SGSM2: variants seen among roughly 807,000 people sequenced by gnomAD.
SGSM2 encodes the protein RUN and TBC1 domain containing 1.
SGSM2 carries 89 observed loss-of-function variants against 126.6 expected under a neutral mutation model. The ratio of observed to expected loss-of-function variants is 0.70; its 90% CI spans 0.59 to 0.84. SGSM2 has a LOEUF of 0.84. Among genes scored for constraint, SGSM2 ranks in the 40% least tolerant of loss-of-function variants. SGSM2 has a pLI of 0.00. For missense variants in SGSM2, 1,404 were observed against 1,416.6 expected, an observed-to-expected ratio of 0.99 and a Z score of 0.14; for synonymous variants, 614 against 574.3, an observed-to-expected ratio of 1.07 and a Z score of -0.99.
In SGSM2 at chr17:2,380,431, C is replaced by G; in HGVS notation, c.*911C>G. 1.1e-6 allele frequency: 1 copy of G among 872,270 alleles called. No individual in the cohort carries two copies. Among genetic ancestry groups the G allele is most frequent in the East Asian group, 2.6e-5 (1 of 37,886 alleles). 54.0% of individuals were successfully genotyped at this position (872,270 alleles called of 1,614,324 possible). A position where few individuals can be genotyped will look rare whatever the true frequency, so the allele number is the denominator to read the frequency against. ...CCTCAGTTCGAGGGCAGCCCATTAT[C>G]TGTCGCAGACATCTGCCATGTCCCT... On this transcript the variant is annotated 3_prime_UTR_variant, in exon 24 of 24. Coordinates refer to ENST00000268989, the MANE Select transcript of SGSM2 (RefSeq NM_014853.3).
chr17:2,343,469 C>T (rs773447293), intron 1 of SGSM2, 76 bp from the exon 2 acceptor site: 28 of 1,472,632 alleles, frequency 1.9e-5, no homozygotes, highest in Non-Finnish European at 2.6e-5. Flanking sequence ...AAGGGCGGAA[C>T]CAAACTATTT....
At chr17:2,340,871 A>G (rs1466404052) in intron 1 of SGSM2, among the ~76,000 whole-genome samples, 3 of 152,220 alleles carry the variant, frequency 2.0e-5, no homozygotes, top group Non-Finnish European at 4.4e-5. Context: ...GTCGTGAGCC[A>G]CCACGCCTGG....
At position 2,367,923 on chromosome 17, in the gene SGSM2, A is replaced by G. The variant is rs1032606177; in HGVS notation, c.1423+518A>G. On this transcript the variant is annotated intron_variant, in intron 12 of 23. Coordinates refer to ENST00000268989, the MANE Select transcript of SGSM2 (RefSeq NM_014853.3). This position sits in a 1 kb window ranked among gnomAD's most constrained non-coding sequence, Gnocchi z 4.0. The stretch of plus-strand genomic sequence containing the variant: ...AAGGGCCCCAGGGCTCAGTCTTCCC[A>G]GGAGGCCTGAGGGCCCCAGCCGGCA... Among the ~76,000 whole-genome samples, 1 of 152,166 alleles carries G rather than the reference A, an allele frequency of 6.6e-6. No homozygotes were observed. The highest frequency in any genetic ancestry group is 2.4e-5 in the African/African-American group (1 of 41,450).
At position 2,372,148 on chromosome 17, in the gene SGSM2, G is replaced by A. The variant is rs1461668616; in HGVS notation, c.1578-42G>A. ...CCCTTCTCTCTCTCCTCCCACCAGAGGGGCCGCAGCCCCTCCCTGCTGAGC... is the reference window on the plus strand; with the variant it reads ...CCCTTCTCTCTCTCCTCCCACCAGAAGGGCCGCAGCCCCTCCCTGCTGAGC... On this transcript the variant is annotated intron_variant, in intron 13 of 23. Transcript: ENST00000268989. This position sits in a 1 kb window ranked among gnomAD's most constrained non-coding sequence, Gnocchi z 6.0. 6.2e-7 allele frequency: 1 copy of A among 1,610,478 alleles called. No homozygotes were observed. Among genetic ancestry groups the A allele is most frequent in the Non-Finnish European group, 8.5e-7 (1 of 1,177,930 alleles).
rs8073644 is a variant in SGSM2, at chr17:2,362,761, T to C, written c.459-77T>C. 0.094 allele frequency: 132,055 copies of C among 1,406,880 alleles called. 9,853 individuals carry two copies. The highest frequency in any genetic ancestry group is 0.32 in the African/African-American group (23,026 of 70,962). 87.1% of individuals were successfully genotyped at this position (1,406,880 alleles called of 1,614,324 possible). On this transcript the variant is annotated intron_variant, in intron 4 of 23. Transcript: ENST00000268989. This position sits in a 1 kb window ranked among gnomAD's most constrained non-coding sequence, Gnocchi z 4.9. ...GATCTGAATCTGGTCTTTGTGGGGATGTCCCTACCTGGTGAGCTTGACTGC... is the reference window on the plus strand; with the variant it reads ...GATCTGAATCTGGTCTTTGTGGGGACGTCCCTACCTGGTGAGCTTGACTGC...
chr17:2,376,005 T>C, intron 18 of SGSM2, 130 bp downstream of exon 18: 8 of 1,518,690 alleles, frequency 5.3e-6, no homozygotes, highest in Non-Finnish European at 6.2e-6. Context: ...CTGAGCCCAT[T>C]TCTCAGCATC....
intron 13 of SGSM2, chr17:2,371,970 A>G: frequency 1.8e-6 from 1 of 567,530 alleles, no homozygotes; most frequent in East Asian, 3.0e-5. Context: ...GTTGACCAAG[A>G]TCCCTGGGTG....
Position 2,375,714 on chromosome 17 carries a change from G to C in SGSM2, c.2323G>C (p.Gly775Arg), listed in dbSNP as rs1282939605. The C allele has an allele frequency of 6.2e-7, 1 of 1,611,382 alleles. No individual in the cohort carries two copies. The highest frequency in any genetic ancestry group is 1.7e-5 in the Admixed American group (1 of 59,944). Residue 775 changes from glycine (G) to arginine (R), a missense_variant, in exon 18 of 24, where the codon GGC becomes CGC. By Grantham distance (125) the Gly-to-Arg change is moderately radical. Coordinates refer to ENST00000268989, the MANE Select transcript of SGSM2 (RefSeq NM_014853.3). Reference sequence around the variant, plus strand: ...AAGCCTAGATGAGGGGCAGAGCGTGGGCTTCGAAGAGGAGGACGGCGGTGG... The same window carrying C: ...AAGCCTAGATGAGGGGCAGAGCGTGCGCTTCGAAGAGGAGGACGGCGGTGG... ...QSSLDEGQSV[G>R]FEEEDGGGEE...
Position 2,379,849 on chromosome 17 carries a change from A to G in SGSM2, c.*329A>G, listed in dbSNP as rs2066339714. 3.1e-6 allele frequency: 4 copies of G among 1,306,506 alleles called. No individual in the cohort carries two copies. In the East Asian group the frequency reaches 1.2e-4, roughly 39 times the overall value. 80.9% of individuals were successfully genotyped at this position (1,306,506 alleles called of 1,614,324 possible). On this transcript the variant is annotated 3_prime_UTR_variant, in exon 24 of 24. Coordinates refer to ENST00000268989, the MANE Select transcript of SGSM2 (RefSeq NM_014853.3). The stretch of plus-strand genomic sequence containing the variant: ...CAGCCTGGACTGCTGCCCACGAGTG[A>G]ACCTGGGGCCCCACAGGATTAACAG...
At chr17:2,370,424 A>G (rs1481610007) in intron 12 of SGSM2, among the ~76,000 whole-genome samples, 1 of 151,468 alleles carries the variant, frequency 6.6e-6, no homozygotes, top group Non-Finnish European at 1.5e-5. Context: ...CTGGCAGCGT[A>G]GCTGTGTCTA....
At chr17:2,375,403 G>C in intron 17 of SGSM2, 89 bp from the exon 18 acceptor site, 1 of 1,483,790 alleles carries the variant, frequency 6.7e-7, no homozygotes, top group East Asian at 2.3e-5. Flanking sequence ...GAAGAGTTTT[G>C]CATTCCAGCT....
chr17:2,372,525 G>C lies in SGSM2; in HGVS notation c.1788+37G>C, dbSNP rs1018999697. ...GGGGTTCCAGGGCCACAGGTCGAGGGGCTGGGGCGGGCAGGAGTGAGGGCT... is the reference window on the plus strand; with the variant it reads ...GGGGTTCCAGGGCCACAGGTCGAGGCGCTGGGGCGGGCAGGAGTGAGGGCT... On this transcript the variant is annotated intron_variant, in intron 15 of 23. Transcript: ENST00000268989. The surrounding 1 kb of genome is among the most constrained non-coding windows in gnomAD (Gnocchi z 6.0). 4 of 1,587,560 alleles carry C rather than the reference G, an allele frequency of 2.5e-6. No homozygotes were observed. Among genetic ancestry groups the C allele is most frequent in the Non-Finnish European group, 3.4e-6 (4 of 1,171,790 alleles).
intron 7 of SGSM2, 29 bp from the exon 8 acceptor site, chr17:2,364,030 C>T (rs1597359711): frequency 1.1e-5 from 17 of 1,613,838 alleles, no homozygotes; most frequent in Non-Finnish European, 1.4e-5. Context: ...AGCCCTTCAT[C>T]GTCGGTCTTC....
chr17:2,372,637 C>A lies in SGSM2; in HGVS notation c.1788+149C>A. On this transcript the variant is annotated intron_variant, in intron 15 of 23. Coordinates refer to ENST00000268989, the MANE Select transcript of SGSM2 (RefSeq NM_014853.3). The surrounding 1 kb of genome is among the most constrained non-coding windows in gnomAD (Gnocchi z 6.0). ...AGGGTCCCGGCAGAATCTCTTGCAGCTGGGCCTGGGGCTGACACGGGAAGG... is the reference window on the plus strand; with the variant it reads ...AGGGTCCCGGCAGAATCTCTTGCAGATGGGCCTGGGGCTGACACGGGAAGG... The A allele has an allele frequency of 8.6e-7, 1 of 1,167,668 alleles. No homozygotes were observed. Among genetic ancestry groups the A allele is most frequent in the Non-Finnish European group, 1.2e-6 (1 of 823,374 alleles). The allele number at this position is 1,167,668 out of a possible 1,614,324, so 72.3% of individuals were successfully genotyped here.
In SGSM2 at chr17:2,373,463, G is replaced by C. The variant is rs377210088; in HGVS notation, c.2050G>C (p.Asp684His). ...RTKFSSGSSI[D>H]SHVQRLIHRD... ...CAAGTTCTCCTCAGGCAGCAGCATC[G>C]ACAGCCACGTGCAGCGCCTCATCCA... The change falls in exon 17 of 24, where the codon GAC becomes CAC. Residue 684 changes from aspartate to histidine, a missense_variant. Transcript: ENST00000268989. The C allele has an allele frequency of 1.2e-6, 2 of 1,608,688 alleles. No homozygotes were observed. Among genetic ancestry groups the C allele is most frequent in the Non-Finnish European group, 1.7e-6 (2 of 1,179,934 alleles).
intron 1 of SGSM2, among the ~76,000 whole-genome samples, chr17:2,341,787 C>T (rs888295673): frequency 5.9e-5 from 9 of 152,190 alleles, no homozygotes; most frequent in Non-Finnish European, 1.2e-4. Flanking sequence ...GTATAACCAA[C>T]TTTGGAGAAC....
intron 19 of SGSM2, 39 bp downstream of exon 19, chr17:2,376,300 C>CCT: frequency 6.3e-7 from 1 of 1,579,172 alleles, no homozygotes; most frequent in Non-Finnish European, 8.6e-7. Context: ...GAGGCGGGAC[C>CCT]CTGCCGCCAG....
At chr17:2,375,398 G>T (rs2066084513) in intron 17 of SGSM2, 94 bp from the exon 18 acceptor site, 2 of 1,476,020 alleles carry the variant, frequency 1.4e-6, no homozygotes, top group Non-Finnish European at 1.8e-6. Context: ...GGTGTGAAGA[G>T]TTTTGCATTC....
At chr17:2,373,274 T>C in intron 16 of SGSM2, 57 bp from the exon 17 acceptor site, 1 of 1,579,632 alleles carries the variant, frequency 6.3e-7, no homozygotes. Flanking sequence ...GCCCAGCTCC[T>C]GAAGGGGAGG....
Sources: allele counts gnomAD v4.1 joint callset (sites outside exome capture counted in the v4.1 genomes callset), GRCh38; gene constraint gnomAD v4.1.1; non-coding constraint Gnocchi (gnomAD v3.1); transcripts MANE v1.5; gene names NCBI Gene and HGNC (gene_info 2026-07-23, HGNC 2026-07-21).